ACP7: variants seen among roughly 807,000 people sequenced by gnomAD.
ACP7 encodes the protein acid phosphatase 7, tartrate resistant (putative).
In ACP7, 58 loss-of-function variants were observed where a neutral mutation model predicts 60.6. The ratio of observed to expected loss-of-function variants is 0.96; its 90% CI spans 0.77 to 1.19. The LOEUF (loss-of-function observed/expected upper bound fraction) is 1.19, where lower values mean the gene tolerates loss of function less well. Ranked by LOEUF, ACP7 falls within the 50% of genes most tolerant of loss-of-function variation. The probability of loss-of-function intolerance (pLI) is 0.00; values close to 1 mark genes in which losing one functional copy is unlikely to be tolerated. For missense variants in ACP7, 574 were observed against 596.2 expected (o/e 0.96, Z 0.39); for synonymous variants, 237 against 232.6 (o/e 1.02, Z -0.17).
At chr19:39,109,981 G>C (rs1004890053) in intron 12 of ACP7, 72 bp from the exon 13 acceptor site, 17 of 1,497,002 alleles carry the variant, frequency 1.1e-5, no homozygotes, top group Non-Finnish European at 1.5e-5. Context: ...GAGGGGACTG[G>C]AACCCAGGCC....
chr19:39,093,969 T>C (rs2073238367), intron 2 of ACP7, among the ~76,000 whole-genome samples: 1 of 152,218 alleles, frequency 6.6e-6, no homozygotes, highest in Non-Finnish European at 1.5e-5. Flanking sequence ...CTCCTAAATA[T>C]GGGCATTTAG....
At chr19:39,086,540 G>A (rs1036401394) in intron 2 of ACP7, among the ~76,000 whole-genome samples, 7 of 150,600 alleles carry the variant, frequency 4.6e-5, no homozygotes, top group African/African-American at 1.7e-4. Flanking sequence ...TGAGGCAAGA[G>A]GATCGCTTGA....
chr19:39,096,950 T>C (rs898234014), intron 2 of ACP7, among the ~76,000 whole-genome samples: 3 of 152,206 alleles, frequency 2.0e-5, no homozygotes, highest in East Asian at 1.9e-4. Context: ...TACAGGCACA[T>C]GCCACCACGC....
intron 10 of ACP7, 40 bp downstream of exon 10, chr19:39,101,395 T>A (rs768675512): frequency 3.2e-5 from 52 of 1,613,506 alleles, no homozygotes; most frequent in Non-Finnish European, 4.2e-5. Flanking sequence ...ACAGCTGGGG[T>A]CAGGGTGGTC....
intron 2 of ACP7, among the ~76,000 whole-genome samples, chr19:39,088,469 C>T (rs1381672922): frequency 6.6e-6 from 1 of 152,208 alleles, no homozygotes; most frequent in African/African-American, 2.4e-5. Context: ...AAAAACCCAT[C>T]TCGTAGTGCT....
chr19:39,102,715 T>TTACTTACTTTC (rs1555769415), intron 11 of ACP7, among the ~76,000 whole-genome samples: 23 of 118,616 alleles, frequency 1.9e-4, no homozygotes, highest in Admixed American at 1.4e-3. Context: ...CAATGAAGAC[T>TTACTTACTTTC]TTTCTTTCTT....
intron 11 of ACP7, 115 bp downstream of exon 11, chr19:39,101,652 A>G (rs1418362655): frequency 8.3e-7 from 1 of 1,205,342 alleles, no homozygotes; most frequent in Non-Finnish European, 1.2e-6. Flanking sequence ...CTTAACCCTC[A>G]GCCCTAAGGT....
chr19:39,098,766 T>TGCCTATCTGCAA, intron 3 of ACP7, 108 bp downstream of exon 3: 1 of 1,362,542 alleles, frequency 7.3e-7, no homozygotes, highest in Non-Finnish European at 9.9e-7. Flanking sequence ...GTAACTCCAC[T>TGCCTATCTGCAA]GCCTATCTGC....
At chr19:39,099,210 G>T in intron 4 of ACP7, 68 bp downstream of exon 4, 1 of 1,394,548 alleles carries the variant, frequency 7.2e-7, no homozygotes, top group Non-Finnish European at 9.2e-7. Flanking sequence ...GGGGGCGCGC[G>T]GGTCGGGGGC....
At chr19:39,096,106 G>A (rs1237103269) in intron 2 of ACP7, among the ~76,000 whole-genome samples, 1 of 152,224 alleles carries the variant, frequency 6.6e-6, no homozygotes, top group Non-Finnish European at 1.5e-5. Context: ...TTGTCTTGGG[G>A]ATGAACGTTC....
At chr19:39,104,587 A>G (rs1176781549) in intron 11 of ACP7, among the ~76,000 whole-genome samples, 2 of 152,224 alleles carry the variant, frequency 1.3e-5, no homozygotes, top group African/African-American at 4.8e-5. Flanking sequence ...TTTTTTCTTT[A>G]ATTAAGAAAT....
intron 5 of ACP7, 94 bp downstream of exon 5, chr19:39,100,444 A>G (rs567571303): frequency 2.1e-5 from 34 of 1,602,000 alleles, no homozygotes; most frequent in South Asian, 1.7e-4. Flanking sequence ...TCATGCTGCA[A>G]CATTTCAATT....
intron 2 of ACP7, among the ~76,000 whole-genome samples, chr19:39,090,546 G>C (rs959085981): frequency 1.3e-5 from 2 of 151,940 alleles, no homozygotes; most frequent in African/African-American, 4.8e-5. Flanking sequence ...GCAGTGGCGC[G>C]ATCTCAGCTC....
chr19:39,098,983 G>C lies in ACP7; in HGVS notation c.346G>C (p.Gly116Arg). The C allele has an allele frequency of 6.2e-7, 1 of 1,612,458 alleles. No individual in the cohort carries two copies. Among genetic ancestry groups the C allele is most frequent in the South Asian group, 1.1e-5 (1 of 91,026 alleles). Residue 116 changes from glycine (G) to arginine (R), a missense_variant, in exon 4 of 13, where the codon GGC becomes CGC. By Grantham distance (125) the Gly-to-Arg change is moderately radical (BLOSUM62 -2). Coordinates refer to ENST00000331256, the MANE Select transcript of ACP7 (RefSeq NM_001004318.3). ...QYVYRCGSAQGWSRRFRFRAL... is the reference protein window; with the variant it reads ...QYVYRCGSAQRWSRRFRFRAL... ...AGTTTATCGCTGTGGCAGTGCGCAG[G>C]GCTGGAGCCGTCGGTTCCGCTTCAG...
At chr19:39,104,817 G>A (rs886743452) in intron 11 of ACP7, among the ~76,000 whole-genome samples, 5 of 151,832 alleles carry the variant, frequency 3.3e-5, no homozygotes, top group South Asian at 2.1e-4. Flanking sequence ...CCCAGGAGGC[G>A]GAGGTTGCAG....
intron 11 of ACP7, among the ~76,000 whole-genome samples, chr19:39,102,715 T>TTTCTCTCTTTC (rs1555769414): frequency 8.4e-6 from 1 of 118,616 alleles, no homozygotes; most frequent in Admixed American, 8.6e-5. Context: ...CAATGAAGAC[T>TTTCTCTCTTTC]TTTCTTTCTT....
chr19:39,106,934 C>G lies in ACP7; in HGVS notation c.1114-13C>G, dbSNP rs774935817. 1.9e-6 allele frequency: 3 copies of G among 1,613,304 alleles called. No homozygotes were observed. In the East Asian group the frequency reaches 6.7e-5, roughly 36 times the overall value. On this transcript the variant is annotated splice_polypyrimidine_tract_variant and intron_variant, in intron 11 of 12. Transcript: ENST00000331256. ...CCACCTGCTCTGGGTCTGATCAGTT[C>G]TCCCCGCCCCAGGGCTGTGAGGAGC...
At chr19:39,097,863 C>T (rs1446167957) in intron 2 of ACP7, among the ~76,000 whole-genome samples, 1 of 151,978 alleles carries the variant, frequency 6.6e-6, no homozygotes, top group Non-Finnish European at 1.5e-5. Context: ...TCATCTAAGC[C>T]TCATAACAAC....
intron 12 of ACP7, among the ~76,000 whole-genome samples, chr19:39,109,685 TAAAAAAA>T (rs34682645): frequency 1.5e-5 from 1 of 65,502 alleles, no homozygotes; most frequent in African/African-American, 7.3e-5. Flanking sequence ...AGACTCTGTC[TAAAAAAA>T]AAAAAAAAAA....
Sources: gnomAD v4.1 joint callset for allele counts (sites outside exome capture counted in the v4.1 genomes callset) on GRCh38, gnomAD v4.1.1 for gene constraint, MANE v1.5 for transcripts, NCBI Gene and HGNC (gene_info 2026-07-23, HGNC 2026-07-21) for gene names.